IPO5: variants seen among roughly 807,000 people sequenced by gnomAD.
The protein encoded by IPO5 is importin-5.
A neutral mutation model predicts 143.3 loss-of-function variants in IPO5; 18 were observed. The ratio of observed to expected loss-of-function variants is 0.13; its 90% CI spans 0.09 to 0.19. The LOEUF (loss-of-function observed/expected upper bound fraction) is 0.19. Ranked by LOEUF, IPO5 falls within the 10% of genes least tolerant of loss-of-function variation. IPO5 has a pLI of 1.00. For synonymous variants in IPO5, 477 were observed against 465.7 expected (o/e 1.02, Z -0.31); for missense variants, 1,013 against 1,336.9 (o/e 0.76, Z 3.78).
At position 97,988,632 on chromosome 13, in the gene IPO5, A is replaced by G. The variant is rs1439539264; in HGVS notation, c.365-430A>G. 9.2e-5 allele frequency among the ~76,000 whole-genome samples: 14 copies of G among 152,362 alleles called. No individual in the cohort carries two copies. The South Asian group carries it at 1.0e-3, about 11-fold the overall frequency. The stretch of plus-strand genomic sequence containing the variant: ...GCCAAACCTCGTCTCTACTAAAAAT[A>G]CAAAAATTAGTCAGGCATGGTGGCA... On this transcript the variant is annotated intron_variant, in intron 6 of 28. Coordinates refer to ENST00000651721, the MANE Select transcript of IPO5 (RefSeq NM_002271.6).
intron 2 of IPO5, among the ~76,000 whole-genome samples, chr13:97,954,702 A>G (rs991336170): frequency 1.3e-5 from 2 of 152,188 alleles, no homozygotes; most frequent in African/African-American, 4.8e-5. Flanking sequence ...AGGGGTAAAA[A>G]AGGCTCATTG....
chr13:97,997,569 G>A lies in IPO5; in HGVS notation c.952G>A (p.Asp318Asn). ...AGCAATGATGGTTGATTTGGAAGAA[G>A]ATGAGGACTGGGCAAATGCAGATGA... ...MLAMMVDLEEDEDWANADELE... is the reference protein window; with the variant it reads ...MLAMMVDLEENEDWANADELE... Residue 318 changes from aspartate to asparagine, a missense_variant, in exon 12 of 29, where the codon GAT becomes AAT. Coordinates refer to ENST00000651721, the MANE Select transcript of IPO5 (RefSeq NM_002271.6). The A allele has an allele frequency of 6.2e-7, 1 of 1,611,132 alleles. No homozygotes were observed. The highest frequency in any genetic ancestry group is 1.7e-5 in the Admixed American group (1 of 59,918).
chr13:97,992,180 T>G (rs772245363), intron 9 of IPO5, among the ~76,000 whole-genome samples: 19 of 152,254 alleles, frequency 1.2e-4, no homozygotes, highest in Non-Finnish European at 2.4e-4. Flanking sequence ...TAGTTACTGT[T>G]GAAATCTAAT....
Position 98,000,402 on chromosome 13 carries a change from A to G in IPO5, c.1002-137A>G, listed in dbSNP as rs1032905482. ...GCAGAGTTTTTAACCCCTAATTTCA[A>G]TTCCACATTTAAAGACAGCTTGAAT... On this transcript the variant is annotated intron_variant, in intron 12 of 28. Coordinates refer to ENST00000651721, the MANE Select transcript of IPO5 (RefSeq NM_002271.6). The G allele has an allele frequency of 9.1e-5, 53 of 580,732 alleles. No individual in the cohort carries two copies. The Admixed American group carries it at 1.5e-3, about 17-fold the overall frequency. The allele number at this position is 580,732 out of a possible 1,614,324, so 36.0% of individuals were successfully genotyped here. A position where few individuals can be genotyped will look rare whatever the true frequency, so the allele number is the denominator to read the frequency against.
chr13:97,997,571 TGAG>T lies in IPO5; in HGVS notation c.957_959del (p.Glu319del). The stretch of plus-strand genomic sequence containing the variant: ...CAATGATGGTTGATTTGGAAGAAGA[TGAG>T]GACTGGGCAAATGCAGATGAACTAG... On this transcript the variant is annotated inframe_deletion, in exon 12 of 29. Coordinates refer to ENST00000651721, the MANE Select transcript of IPO5 (RefSeq NM_002271.6). The T allele has an allele frequency of 6.2e-7, 1 of 1,611,318 alleles. No individual in the cohort carries two copies. The highest frequency in any genetic ancestry group is 8.5e-7 in the Non-Finnish European group (1 of 1,177,798).
chr13:97,977,007 C>T (rs866453721), intron 4 of IPO5: 12 of 207,818 alleles, frequency 5.8e-5, no homozygotes, highest in African/African-American at 2.6e-4. Flanking sequence ...AGTTACCTCC[C>T]CGCCGCCGCT....
Position 97,976,764 on chromosome 13 carries a change from A to C in IPO5, c.68A>C (p.Asn23Thr). The change falls in exon 4 of 29, where the codon AAT becomes ACT. Residue 23 changes from asparagine (N) to threonine (T), a missense_variant. Transcript: ENST00000651721. ...LLLGNLLSPD[N>T]VVRKQAEETY... ...CTGGGAAACCTGCTCAGCCCCGACA[A>C]TGTGGTCCGGAAACAGGCAGAGGTA... 1 of 1,404,262 alleles carries C rather than the reference A, an allele frequency of 7.1e-7. No homozygotes were observed. Among genetic ancestry groups the C allele is most frequent in the Non-Finnish European group, 9.5e-7 (1 of 1,053,034 alleles). The allele number at this position is 1,404,262 out of a possible 1,614,324, so 87.0% of individuals were successfully genotyped here. A position where few individuals can be genotyped will look rare whatever the true frequency, so the allele number is the denominator to read the frequency against.
At chr13:97,994,452 T>C (rs900945860) in intron 11 of IPO5, among the ~76,000 whole-genome samples, 7 of 152,248 alleles carry the variant, frequency 4.6e-5, no homozygotes, top group Non-Finnish European at 1.0e-4. Flanking sequence ...TTATTGTAAG[T>C]GTTCCATTAT....
In IPO5 at chr13:97,997,671, C is replaced by T. The variant is rs1018621289; in HGVS notation, c.1001+53C>T. On this transcript the variant is annotated intron_variant, in intron 12 of 28. Transcript: ENST00000651721. Reference sequence around the variant, plus strand: ...AGTGAAAGCCCTAGGGCTCCACGGTCCATCTCTTCACTATTGCACCCTGTA... The same window carrying T: ...AGTGAAAGCCCTAGGGCTCCACGGTTCATCTCTTCACTATTGCACCCTGTA... 6 of 1,125,222 alleles carry T rather than the reference C, an allele frequency of 5.3e-6. No homozygotes were observed. In the African/African-American group the frequency reaches 9.2e-5, roughly 17 times the overall value. 69.7% of individuals were successfully genotyped at this position (1,125,222 alleles called of 1,614,324 possible). A position where few individuals can be genotyped will look rare whatever the true frequency, so the allele number is the denominator to read the frequency against.
intron 2 of IPO5, among the ~76,000 whole-genome samples, chr13:97,960,705 C>T (rs1189425939): frequency 6.6e-6 from 1 of 151,782 alleles, no homozygotes; most frequent in African/African-American, 2.4e-5. Flanking sequence ...ATTACAGTCG[C>T]GCACCACTAC....
At chr13:97,987,596 C>T (rs561667344) in intron 6 of IPO5, among the ~76,000 whole-genome samples, 3 of 152,128 alleles carry the variant, frequency 2.0e-5, no homozygotes, top group South Asian at 2.1e-4. Context: ...CATGGCTTAC[C>T]GCAGCCTCCA....
rs1487872404 is a variant in IPO5 at position 97,992,598 on chromosome 13, T to TA, written c.670-286dup. On this transcript the variant is annotated intron_variant, in intron 9 of 28. Transcript: ENST00000651721. ...GACAAAGGAAAGGGACTCCTGGTTA[T>TA]AAAAAAAAGTAATTCCTTGGTAGCC... Among the ~76,000 whole-genome samples, 27 of 152,056 alleles carry TA rather than the reference T, an allele frequency of 1.8e-4. No homozygotes were observed. The South Asian group carries it at 3.5e-3, about 20-fold the overall frequency.
Position 97,990,426 on chromosome 13 carries a change from A to G in IPO5, c.565-7A>G, listed in dbSNP as rs1383632879. 3.2e-6 allele frequency: 5 copies of G among 1,577,560 alleles called. No individual in the cohort carries two copies. Among genetic ancestry groups the G allele is most frequent in the Admixed American group, 1.9e-5 (1 of 53,042 alleles). On this transcript the variant is annotated splice_region_variant and splice_polypyrimidine_tract_variant and intron_variant, in intron 8 of 28. Transcript: ENST00000651721. Reference sequence around the variant, plus strand: ...TCATGTTTGACATTTTTTCCTCTTGATTTTAGATCAGGACGTTATCTGCTA... The same window carrying G: ...TCATGTTTGACATTTTTTCCTCTTGGTTTTAGATCAGGACGTTATCTGCTA...
At chr13:98,018,428 C>A in intron 25 of IPO5, 57 bp from the exon 26 acceptor site, 1 of 1,241,768 alleles carries the variant, frequency 8.1e-7, no homozygotes, top group Non-Finnish European at 1.2e-6. Flanking sequence ...GTGAATATTT[C>A]TTTACATTCT....
intron 25 of IPO5, among the ~76,000 whole-genome samples, chr13:98,017,690 A>G (rs1418759310): frequency 1.3e-5 from 2 of 152,208 alleles, no homozygotes; most frequent in Non-Finnish European, 2.9e-5. Context: ...CTGTGCGTGC[A>G]TGGCCTCAGC....
At chr13:98,015,242 T>TGTGTGTG (rs143336600) in intron 22 of IPO5, among the ~76,000 whole-genome samples, 2 of 147,724 alleles carry the variant, frequency 1.4e-5, no homozygotes, top group Non-Finnish European at 3.0e-5. Context: ...TAGGAGCTGG[T>TGTGTGTG]TGTGTGTGTG....
intron 20 of IPO5, among the ~76,000 whole-genome samples, chr13:98,010,734 C>G (rs1889632848): frequency 8.3e-6 from 1 of 120,816 alleles, no homozygotes; most frequent in East Asian, 2.3e-4. Context: ...TCCTAGTTTT[C>G]TTTTTGTTTT....
chr13:98,012,441 ATTGT>A (rs1889787216), intron 21 of IPO5, 99 bp downstream of exon 21: 3 of 762,746 alleles, frequency 3.9e-6, no homozygotes, highest in Non-Finnish European at 7.0e-6. Context: ...CTTCACCATG[ATTGT>A]TTGTATTTGC....
intron 20 of IPO5, among the ~76,000 whole-genome samples, chr13:98,010,878 T>G (rs141950119): frequency 0.026 from 3,699 of 143,174 alleles, 142 homozygotes; most frequent in African/African-American, 0.09. Context: ...CCTCTGGCGT[T>G]CAGTTGATTC....
Sources: gnomAD v4.1 joint callset for allele counts (sites outside exome capture counted in the v4.1 genomes callset) on GRCh38, gnomAD v4.1.1 for gene constraint, MANE v1.5 for transcripts, NCBI Gene and HGNC (gene_info 2026-07-23, HGNC 2026-07-21) for gene names.